Variants in ZNF678 observed in about 807,000 individuals in gnomAD.
The protein encoded by ZNF678 is hypothetical protein MGC42493.
ZNF678 carries 5 observed loss-of-function variants against 3.0 expected under a neutral mutation model. The observed-to-expected ratio is 1.69, with a 90% CI of 0.88 to 3.56. The LOEUF (loss-of-function observed/expected upper bound fraction) is 3.56. Among genes scored for constraint, ZNF678 ranks in the 30% most tolerant of loss-of-function variants. ZNF678 has a pLI of 0.00. For synonymous variants in ZNF678, 218 were observed against 199.6 expected (o/e 1.09, Z -0.78); for missense variants, 593 against 605.0 (o/e 0.98, Z 0.21).
intron 1 of ZNF678, among the ~76,000 whole-genome samples, chr1:227,628,564 G>T (rs1397497583): frequency 2.0e-5 from 3 of 152,240 alleles, no homozygotes; most frequent in Non-Finnish European, 4.4e-5. Flanking sequence ...GGATAAGCCA[G>T]TATAGGCTGG....
At chr1:227,662,690 G>T (rs1300321098), downstream of ZNF678, among the ~76,000 whole-genome samples, 1 of 152,140 alleles carries the variant, frequency 6.6e-6, no homozygotes, top group Non-Finnish European at 1.5e-5. Context: ...ACAGACACCA[G>T]ATTGGCAAAA....
intron 1 of ZNF678, among the ~76,000 whole-genome samples, chr1:227,566,066 G>A (rs986620640): frequency 1.3e-5 from 2 of 152,226 alleles, no homozygotes; most frequent in African/African-American, 4.8e-5. Flanking sequence ...CGGCTCCTCA[G>A]CCACTCTTAT....
chr1:227,581,132 G>A (rs958881896), intron 1 of ZNF678, among the ~76,000 whole-genome samples: 10 of 151,798 alleles, frequency 6.6e-5, no homozygotes, highest in Admixed American at 6.6e-5. Flanking sequence ...TGGTTTCTTA[G>A]AAATATAAAA....
At chr1:227,575,921 A>G (rs1297992573) in intron 1 of ZNF678, among the ~76,000 whole-genome samples, 2 of 152,118 alleles carry the variant, frequency 1.3e-5, no homozygotes, top group Non-Finnish European at 2.9e-5. Context: ...ATGTTCCTTC[A>G]ATATCTAGTT....
rs564228097 is a variant in ZNF678, at chr1:227,596,019, C to T, written c.-164+32295C>T. On this transcript the variant is annotated intron_variant, in intron 1 of 3. Transcript: ENST00000343776. ...CTAGTCTTACCAAGTTTCAGATGTC[C>T]GGACTCCAAGTACTAGTTCCTTCCC... 1.9e-4 allele frequency among the ~76,000 whole-genome samples: 29 copies of T among 152,296 alleles called. 1 individual carries two copies. The South Asian group carries it at 2.5e-3, about 13-fold the overall frequency.
intron 1 of ZNF678, among the ~76,000 whole-genome samples, chr1:227,583,630 G>T (rs1317585683): frequency 6.6e-6 from 1 of 151,612 alleles, no homozygotes; most frequent in Non-Finnish European, 1.5e-5. Context: ...AAAAGATACA[G>T]ATTATATTTA....
intron 1 of ZNF678, among the ~76,000 whole-genome samples, chr1:227,584,843 G>A (rs188058147): frequency 3.3e-5 from 5 of 152,238 alleles, no homozygotes; most frequent in African/African-American, 1.2e-4. Context: ...GTGCGATGGC[G>A]GACAGTGAGA....
At chr1:227,565,707 C>A (rs1291465300) in intron 1 of ZNF678, among the ~76,000 whole-genome samples, 2 of 152,212 alleles carry the variant, frequency 1.3e-5, no homozygotes, top group African/African-American at 4.8e-5. Context: ...TGTACAAAAT[C>A]TTTGAAAACT....
intron 5 of ZNF678, among the ~76,000 whole-genome samples, chr1:227,673,605 A>G (rs1367802865): frequency 3.3e-5 from 5 of 152,210 alleles, no homozygotes; most frequent in African/African-American, 7.2e-5. Context: ...CAAGCATTCT[A>G]TGAATTACTG....
At position 227,657,370 on chromosome 1, in the gene ZNF678, G is replaced by A. The variant is rs1240305438; in HGVS notation, c.*1542G>A. On this transcript the variant is annotated 3_prime_UTR_variant, in exon 4 of 4. Coordinates refer to ENST00000343776, the MANE Select transcript of ZNF678 (RefSeq NM_001367909.1). ...ACTGAGGCTAATAAACCTCTTTTCT[G>A]TATTAATTTGCCAGTGTTAAGTATT... 1 of 151,844 alleles carries A rather than the reference G, an allele frequency of 6.6e-6. No individual in the cohort carries two copies. Among genetic ancestry groups the A allele is most frequent in the East Asian group, 1.9e-4 (1 of 5,196 alleles). The allele number at this position is 151,844 out of a possible 1,614,324, so 9.4% of individuals were successfully genotyped here. A position where few individuals can be genotyped will look rare whatever the true frequency, so the allele number is the denominator to read the frequency against.
chr1:227,582,752 T>C (rs1159593683), intron 1 of ZNF678: 1 of 153,630 alleles, frequency 6.5e-6, no homozygotes, highest in African/African-American at 2.4e-5. Flanking sequence ...TCAATTTATG[T>C]GTGTGGCCTG....
rs185764629 is a variant in ZNF678 at position 227,647,988 on chromosome 1, A to G, written c.-37+1318A>G. On this transcript the variant is annotated intron_variant, in intron 2 of 3. Transcript: ENST00000343776. Reference sequence around the variant, plus strand: ...GATTTTCTATCCTATGGAGGTTTCAAATGTGATTTTACAGAAGCTCATACT... The same window carrying G: ...GATTTTCTATCCTATGGAGGTTTCAGATGTGATTTTACAGAAGCTCATACT... 4.2e-3 allele frequency among the ~76,000 whole-genome samples: 639 copies of G among 152,282 alleles called. 6 individuals are homozygous for G. Among genetic ancestry groups the G allele is most frequent in the African/African-American group, 0.015 (616 of 41,570 alleles).
chr1:227,654,992 A>G lies in ZNF678; in HGVS notation c.742A>G (p.Lys248Glu). 1.2e-6 allele frequency: 2 copies of G among 1,610,556 alleles called. No homozygotes were observed. Among genetic ancestry groups the G allele is most frequent in the Non-Finnish European group, 1.7e-6 (2 of 1,178,866 alleles). ...CAAAGAATGTTGCAAAGCCTTTAAC[A>G]AGTTCTCAAACCTTACTCAACATAA... Reference protein sequence around the residue: ...KCKECCKAFNKFSNLTQHKRI... With the variant: ...KCKECCKAFNEFSNLTQHKRI... The change falls in exon 4 of 4, where the codon AAG becomes GAG. Residue 248 changes from lysine to glutamate, a missense_variant. Transcript: ENST00000343776.
At chr1:227,648,387 A>G in intron 2 of ZNF678, among the ~76,000 whole-genome samples, 1 of 152,202 alleles carries the variant, frequency 6.6e-6, no homozygotes, top group East Asian at 1.9e-4. Flanking sequence ...GTCCAACATA[A>G]AAATTTGATG....
At chr1:227,588,506 CT>C (rs747086047) in intron 1 of ZNF678, among the ~76,000 whole-genome samples, 26 of 135,856 alleles carry the variant, frequency 1.9e-4, no homozygotes, top group Non-Finnish European at 2.2e-4. Context: ...GTTTTTTTTA[CT>C]TTTTTTTTTT....
intron 2 of ZNF678, among the ~76,000 whole-genome samples, chr1:227,647,271 A>C (rs934866498): frequency 6.6e-6 from 1 of 152,150 alleles, no homozygotes. Flanking sequence ...AAACAAACAA[A>C]AAGAACCTAT....
intron 5 of ZNF678, among the ~76,000 whole-genome samples, chr1:227,672,638 G>T (rs1220349894): frequency 3.3e-5 from 5 of 152,098 alleles, no homozygotes. Context: ...GCCCAGGCTT[G>T]TGTGACTTGA....
chr1:227,627,549 A>G (rs927058683), intron 1 of ZNF678, among the ~76,000 whole-genome samples: 13 of 152,168 alleles, frequency 8.5e-5, no homozygotes, highest in African/African-American at 2.9e-4. Context: ...CTGTACAGCC[A>G]GTAATAATCT....
chr1:227,567,597 T>C (rs994487406), intron 1 of ZNF678, among the ~76,000 whole-genome samples: 1 of 152,224 alleles, frequency 6.6e-6, no homozygotes, highest in African/African-American at 2.4e-5. Flanking sequence ...TCAGAAGCTC[T>C]TTCTGAGGAT....
Sources: gnomAD v4.1 joint callset for allele counts (sites outside exome capture counted in the v4.1 genomes callset) on GRCh38, gnomAD v4.1.1 for gene constraint, MANE v1.5 for transcripts, NCBI Gene and HGNC (gene_info 2026-07-23, HGNC 2026-07-21) for gene names.